PTPRD: variants seen among roughly 807,000 people sequenced by gnomAD.
PTPRD encodes receptor-type tyrosine-protein phosphatase delta.
PTPRD carries 34 observed loss-of-function variants against 214.5 expected under a neutral mutation model. The observed-to-expected ratio is 0.16, with a 90% CI of 0.12 to 0.21. The LOEUF (loss-of-function observed/expected upper bound fraction) is 0.21, where lower values mean the gene tolerates loss of function less well. PTPRD is among the 10% of genes least tolerant of loss of function. The pLI, the probability that PTPRD is intolerant of heterozygous loss-of-function variation, is 1.00. For missense variants in PTPRD, 2,545 were observed against 2,398.7 expected, an observed-to-expected ratio of 1.06 and a Z score of -1.27; for synonymous variants, 1,128 against 845.7, an observed-to-expected ratio of 1.33 and a Z score of -5.79.
At chr9:8,798,398 G>C (rs1280969612) in intron 11 of PTPRD, among the ~76,000 whole-genome samples, 1 of 152,000 alleles carries the variant, frequency 6.6e-6, no homozygotes, top group African/African-American at 2.4e-5. Flanking sequence ...GCTTTCAAAC[G>C]GATTAGAGAA....
chr9:9,574,064 T>A (rs1591942562), intron 8 of PTPRD, among the ~76,000 whole-genome samples: 1 of 151,902 alleles, frequency 6.6e-6, no homozygotes, highest in East Asian at 1.9e-4. Flanking sequence ...AAGCAACAGA[T>A]AAACTCTGAA....
At chr9:9,937,805 T>TA (rs922519820) in intron 5 of PTPRD, among the ~76,000 whole-genome samples, 5 of 152,258 alleles carry the variant, frequency 3.3e-5, no homozygotes, top group African/African-American at 7.2e-5. Flanking sequence ...GAAAATCATT[T>TA]AAAAAAATAA....
At chr9:10,122,764 T>C (rs549567240) in intron 3 of PTPRD, among the ~76,000 whole-genome samples, 2 of 152,296 alleles carry the variant, frequency 1.3e-5, no homozygotes, top group East Asian at 3.9e-4. Context: ...TCACTAGCCA[T>C]ACTCACGAAA....
intron 3 of PTPRD, among the ~76,000 whole-genome samples, chr9:10,221,031 G>C (rs1286761662): frequency 2.0e-5 from 3 of 151,990 alleles, no homozygotes; most frequent in Admixed American, 1.3e-4. Context: ...AGGAAGAAAA[G>C]TTTTACTAGT....
intron 7 of PTPRD, among the ~76,000 whole-genome samples, chr9:9,620,132 A>G (rs977213643): frequency 3.9e-5 from 6 of 152,088 alleles, no homozygotes; most frequent in Admixed American, 3.9e-4. Context: ...ATGTTTTGGA[A>G]TTTCTAATTT....
chr9:9,894,875 C>T (rs2074509259), intron 5 of PTPRD, among the ~76,000 whole-genome samples: 1 of 151,656 alleles, frequency 6.6e-6, no homozygotes, highest in Non-Finnish European at 1.5e-5. Flanking sequence ...TGAGATGTTT[C>T]TCTGATTTTA....
chr9:8,879,499 G>A lies in PTPRD; in HGVS notation c.-104+139198C>T, dbSNP rs190759737. Among the ~76,000 whole-genome samples, 285 of 152,222 alleles carry A rather than the reference G, an allele frequency of 1.9e-3. 2 individuals are homozygous for A. Among genetic ancestry groups the A allele is most frequent in the Admixed American group, 5.2e-3 (79 of 15,288 alleles). The stretch of plus-strand genomic sequence containing the variant: ...GAGAAAACAAAGACACAGTCAGATC[G>A]CTGGCCCATTATCATGGAGCTCATT... On this transcript the variant is annotated intron_variant, in intron 11 of 45. Transcript: ENST00000381196.
intron 5 of PTPRD, among the ~76,000 whole-genome samples, chr9:9,830,750 A>G (rs1020293648): frequency 3.3e-5 from 5 of 151,982 alleles, no homozygotes; most frequent in Non-Finnish European, 7.4e-5. Flanking sequence ...CTGATGTGGT[A>G]TCAACAGAGT....
At chr9:9,202,442 C>T (rs1437015318) in intron 9 of PTPRD, among the ~76,000 whole-genome samples, 1 of 152,034 alleles carries the variant, frequency 6.6e-6, no homozygotes, top group Non-Finnish European at 1.5e-5. Context: ...CAGTATTCTA[C>T]TATTGTTGGA....
intron 10 of PTPRD, among the ~76,000 whole-genome samples, chr9:9,175,032 A>G (rs1038333954): frequency 2.0e-5 from 3 of 152,130 alleles, no homozygotes; most frequent in South Asian, 2.1e-4. Flanking sequence ...TATATGACAT[A>G]GCCAGAAGAC....
At chr9:8,813,209 C>A (rs557663235) in intron 11 of PTPRD, among the ~76,000 whole-genome samples, 1 of 151,852 alleles carries the variant, frequency 6.6e-6, no homozygotes, top group African/African-American at 2.4e-5. Flanking sequence ...GAATAATTAT[C>A]ACTGTTATTA....
chr9:10,198,876 T>C (rs1378946058), intron 3 of PTPRD, among the ~76,000 whole-genome samples: 2 of 152,110 alleles, frequency 1.3e-5, no homozygotes, highest in South Asian at 2.1e-4. Context: ...TGTATACAAG[T>C]TGACAATAAA....
chr9:8,330,385 T>A (rs756073142), intron 44 of PTPRD, among the ~76,000 whole-genome samples: 16 of 152,146 alleles, frequency 1.1e-4, no homozygotes, highest in Non-Finnish European at 2.2e-4. Context: ...TAGACTATAG[T>A]ATAAAGTAAA....
chr9:9,300,849 T>A (rs1010282622), intron 9 of PTPRD, among the ~76,000 whole-genome samples: 3 of 151,878 alleles, frequency 2.0e-5, no homozygotes, highest in Non-Finnish European at 4.4e-5. Context: ...GTAACTCTGC[T>A]CATTGAAAAT....
At chr9:10,348,307 A>C (rs943932774) in intron 2 of PTPRD, among the ~76,000 whole-genome samples, 1 of 152,150 alleles carries the variant, frequency 6.6e-6, no homozygotes, top group Non-Finnish European at 1.5e-5. Context: ...TACTTTCTCA[A>C]TATGAAATGT....
At chr9:10,468,748 G>T (rs10809094) in intron 2 of PTPRD, among the ~76,000 whole-genome samples, 70,410 of 151,900 alleles carry the variant, frequency 0.46, 18,524 homozygotes, top group Admixed American at 0.65. Flanking sequence ...AAATTCAGCA[G>T]TGAATGTTTA....
chr9:9,955,813 C>T (rs1295664774), intron 4 of PTPRD, among the ~76,000 whole-genome samples: 3 of 152,176 alleles, frequency 2.0e-5, no homozygotes, highest in East Asian at 1.9e-4. Flanking sequence ...TGAGCCACCA[C>T]GCCCGGCCTA....
chr9:9,973,697 A>C (rs1408635591), intron 4 of PTPRD, among the ~76,000 whole-genome samples: 1 of 152,186 alleles, frequency 6.6e-6, no homozygotes, highest in Non-Finnish European at 1.5e-5. Context: ...TGGGAATTTT[A>C]GAGCTTAGGA....
chr9:8,474,871 T>C (rs558129325), intron 30 of PTPRD, among the ~76,000 whole-genome samples: 68 of 152,016 alleles, frequency 4.5e-4, no homozygotes, highest in African/African-American at 1.5e-3. Flanking sequence ...TTGAAGGCCA[T>C]TAACTATTTC....
Sources: gnomAD v4.1 joint callset for allele counts (sites outside exome capture counted in the v4.1 genomes callset) on GRCh38, gnomAD v4.1.1 for gene constraint, MANE v1.5 for transcripts, NCBI Gene and HGNC (gene_info 2026-07-23, HGNC 2026-07-21) for gene names.